The following HS6ST3 variants were observed in gnomAD, a reference collection of about 807,000 sequenced individuals.
The protein encoded by HS6ST3 is heparan sulfate 6-O-sulfotransferase 3.
Under a neutral mutation model 36.7 loss-of-function variants are expected in HS6ST3, and 12 were observed. The ratio of observed to expected loss-of-function variants is 0.33; its 90% CI spans 0.21 to 0.53. The LOEUF (loss-of-function observed/expected upper bound fraction) is 0.53. HS6ST3 is among the 20% of genes least tolerant of loss of function. The pLI is 0.95. For synonymous variants in HS6ST3, 240 were observed against 257.5 expected (o/e 0.93, Z 0.65); for missense variants, 584 against 640.9 (o/e 0.91, Z 0.96).
At chr13:96,827,774 C>G (rs1032470667) in intron 1 of HS6ST3, among the ~76,000 whole-genome samples, 2 of 152,074 alleles carry the variant, frequency 1.3e-5, no homozygotes, top group African/African-American at 4.8e-5. Context: ...AAATTTGGAA[C>G]CAAAACCATT....
At chr13:96,776,869 C>T (rs936405399) in intron 1 of HS6ST3, among the ~76,000 whole-genome samples, 7 of 152,110 alleles carry the variant, frequency 4.6e-5, no homozygotes, top group African/African-American at 1.7e-4. Flanking sequence ...GATAGAAAAA[C>T]CTGGCAGAGT....
chr13:96,286,588 A>C (rs1439890156), intron 1 of HS6ST3, among the ~76,000 whole-genome samples: 2 of 152,220 alleles, frequency 1.3e-5, no homozygotes, highest in Non-Finnish European at 2.9e-5. Flanking sequence ...TATTCTCCAC[A>C]GAGTTAACAG....
At chr13:96,104,548 G>A (rs1389879201) in intron 1 of HS6ST3, among the ~76,000 whole-genome samples, 2 of 152,180 alleles carry the variant, frequency 1.3e-5, no homozygotes, top group Non-Finnish European at 2.9e-5. Context: ...TCACCTTCCA[G>A]CACACTTTTT....
At chr13:96,447,148 G>GT (rs2139483544) in intron 1 of HS6ST3, among the ~76,000 whole-genome samples, 1 of 152,162 alleles carries the variant, frequency 6.6e-6, no homozygotes, top group South Asian at 2.1e-4. Flanking sequence ...CTATCTTCTT[G>GT]TTAGTCCTGC....
At chr13:96,751,803 T>G (rs1876707693) in intron 1 of HS6ST3, among the ~76,000 whole-genome samples, 1 of 151,516 alleles carries the variant, frequency 6.6e-6, no homozygotes, top group Non-Finnish European at 1.5e-5. Context: ...TATGTGTGTA[T>G]GTGTATATAT....
intron 1 of HS6ST3, among the ~76,000 whole-genome samples, chr13:96,698,920 G>T (rs1260557314): frequency 6.6e-6 from 1 of 152,138 alleles, no homozygotes; most frequent in Admixed American, 6.5e-5. Flanking sequence ...CAATGGAACA[G>T]AACAGAGCCC....
chr13:96,483,040 A>C (rs2055897028), intron 1 of HS6ST3, among the ~76,000 whole-genome samples: 1 of 152,218 alleles, frequency 6.6e-6, no homozygotes, highest in Non-Finnish European at 1.5e-5. Flanking sequence ...AAATAATATG[A>C]ATGCAAAAGC....
chr13:96,314,431 A>T (rs1424189157), intron 1 of HS6ST3, among the ~76,000 whole-genome samples: 1 of 152,222 alleles, frequency 6.6e-6, no homozygotes, highest in Non-Finnish European at 1.5e-5. Flanking sequence ...ATATTTTCTT[A>T]AAAAGTTACT....
chr13:96,408,876 A>G (rs2055492385), intron 1 of HS6ST3, among the ~76,000 whole-genome samples: 1 of 152,272 alleles, frequency 6.6e-6, no homozygotes, highest in East Asian at 1.9e-4. Flanking sequence ...GTGAGCCGAG[A>G]TGGTGCCACT....
Position 96,832,990 on chromosome 13 carries a change from T to C in HS6ST3, c.1208T>C (p.Leu403Pro), listed in dbSNP as rs1878840683. The C allele has an allele frequency of 6.2e-7, 1 of 1,614,026 alleles. No homozygotes were observed. Among genetic ancestry groups the C allele is most frequent in the South Asian group, 1.1e-5 (1 of 91,076 alleles). The change falls in exon 2 of 2, where the codon CTG becomes CCG. Residue 403 changes from leucine (L) to proline (P), a missense_variant. Physicochemically the swap from Leu to Pro is moderately conservative, Grantham distance 98. Around this residue, in one of 3 missense-constraint regions of HS6ST3, gnomAD observed 360 missense variants for 411.3 expected, o/e 0.88. Transcript: ENST00000376705. ...ARQRIEDLNF[L>P]DMQLYEYAKD... is the part of the protein sequence containing the mutation. ...CAACGCATTGAGGATCTAAACTTCC[T>C]GGACATGCAGCTTTACGAGTATGCA...
At chr13:96,657,947 A>G (rs1450360730) in intron 1 of HS6ST3, among the ~76,000 whole-genome samples, 2 of 152,182 alleles carry the variant, frequency 1.3e-5, no homozygotes, top group Non-Finnish European at 2.9e-5. Context: ...AACTGAAGCA[A>G]CACTTGACTT....
chr13:96,166,242 G>C (rs2054159672), intron 1 of HS6ST3, among the ~76,000 whole-genome samples: 1 of 151,962 alleles, frequency 6.6e-6, no homozygotes, highest in African/African-American at 2.4e-5. Context: ...AATGGGGTTG[G>C]GATGGAGGTT....
chr13:96,228,517 C>T (rs560031967), intron 1 of HS6ST3, among the ~76,000 whole-genome samples: 6 of 152,270 alleles, frequency 3.9e-5, no homozygotes, highest in Middle Eastern at 3.4e-3. Flanking sequence ...CCGCCTGTCT[C>T]GACCTCCCAA....
At chr13:96,714,202 G>A (rs558790167) in intron 1 of HS6ST3, among the ~76,000 whole-genome samples, 24 of 152,014 alleles carry the variant, frequency 1.6e-4, no homozygotes, top group East Asian at 1.2e-3. Flanking sequence ...AAAGTATAAC[G>A]TCTATATAAA....
intron 1 of HS6ST3, among the ~76,000 whole-genome samples, chr13:96,490,498 A>G (rs1231952647): frequency 6.6e-6 from 1 of 152,208 alleles, no homozygotes; most frequent in Non-Finnish European, 1.5e-5. Flanking sequence ...TTACAATGCT[A>G]AAAGATTTAT....
rs536344071 is a variant in HS6ST3 at position 96,103,335 on chromosome 13, G to A, written c.707+11766G>A. ...TCAGGCAACCAGGATTTGAATCTGG[G>A]CTTCCTCACTTACTCGTTCACTTAT... On this transcript the variant is annotated intron_variant, in intron 1 of 1. Coordinates refer to ENST00000376705, the MANE Select transcript of HS6ST3 (RefSeq NM_153456.4). Among the ~76,000 whole-genome samples, 6 of 152,232 alleles carry A rather than the reference G, an allele frequency of 3.9e-5. No individual in the cohort carries two copies. In the South Asian group the frequency reaches 1.2e-3, roughly 32 times the overall value.
At chr13:96,379,056 T>C (rs1382620257) in intron 1 of HS6ST3, among the ~76,000 whole-genome samples, 1 of 152,204 alleles carries the variant, frequency 6.6e-6, no homozygotes, top group Non-Finnish European at 1.5e-5. Context: ...TAAATGTTTT[T>C]GTCTTTTTTT....
chr13:96,745,926 A>T (rs1340918063), intron 1 of HS6ST3, among the ~76,000 whole-genome samples: 1 of 152,064 alleles, frequency 6.6e-6, no homozygotes, highest in Non-Finnish European at 1.5e-5. Flanking sequence ...GCAGAAATAC[A>T]AAGCCCAGGC....
chr13:96,794,891 A>G (rs988556684), intron 1 of HS6ST3, among the ~76,000 whole-genome samples: 1 of 152,102 alleles, frequency 6.6e-6, no homozygotes, highest in Non-Finnish European at 1.5e-5. Context: ...TGTGTCAGTC[A>G]TGAATATTAA....
Sources: gnomAD v4.1 joint callset for allele counts (sites outside exome capture counted in the v4.1 genomes callset) on GRCh38, gnomAD v4.1.1 for gene constraint, gnomAD v4.1.1 regional missense constraint, MANE v1.5 for transcripts, NCBI Gene and HGNC (gene_info 2026-07-23, HGNC 2026-07-21) for gene names.